PDE3B: variants seen among roughly 807,000 people sequenced by gnomAD.
The protein encoded by PDE3B is cGMP-inhibited 3',5'-cyclic phosphodiesterase 3B.
A neutral mutation model predicts 116.8 loss-of-function variants in PDE3B; 66 were observed. The observed-to-expected ratio is 0.56, with a 90% CI of 0.46 to 0.69. The LOEUF is 0.69. Among genes scored for constraint, PDE3B ranks in the 30% least tolerant of loss-of-function variants. PDE3B has a pLI of 0.00. For missense variants in PDE3B, 1,384 were observed against 1,368.1 expected (o/e 1.01, Z -0.18); for synonymous variants, 595 against 533.6 (o/e 1.12, Z -1.59).
At chr11:14,721,952 C>T in intron 1 of PDE3B, among the ~76,000 whole-genome samples, 1 of 147,652 alleles carries the variant, frequency 6.8e-6, no homozygotes, top group African/African-American at 2.5e-5. Context: ...GAAAATGTGG[C>T]ACATATACAC....
At chr11:14,861,084 T>C in intron 13 of PDE3B, 121 bp from the exon 14 acceptor site, 1 of 673,974 alleles carries the variant, frequency 1.5e-6, no homozygotes, top group Middle Eastern at 3.6e-4. Context: ...AACTATTTGC[T>C]GAAATTTCTT....
intron 4 of PDE3B, among the ~76,000 whole-genome samples, chr11:14,799,484 C>G (rs926972487): frequency 4.6e-5 from 7 of 152,078 alleles, no homozygotes; most frequent in African/African-American, 1.7e-4. Flanking sequence ...TCCTGAATAT[C>G]CTTGTTAATT....
intron 5 of PDE3B, among the ~76,000 whole-genome samples, chr11:14,810,015 A>T (rs1325925806): frequency 6.6e-6 from 1 of 152,162 alleles, no homozygotes; most frequent in African/African-American, 2.4e-5. Context: ...TCCATCTTAC[A>T]TATTATATAC....
intron 12 of PDE3B, among the ~76,000 whole-genome samples, chr11:14,851,509 G>GGTGTGTGT (rs35913217): frequency 6.7e-6 from 1 of 148,446 alleles, no homozygotes; most frequent in East Asian, 2.0e-4. Context: ...GGTATAATGG[G>GGTGTGTGT]GTGTGTGTGT....
In PDE3B at chr11:14,859,170, G is replaced by A. The variant is rs146384818; in HGVS notation, c.2648G>A (p.Arg883His). 7.4e-6 allele frequency: 12 copies of A among 1,613,474 alleles called. No individual in the cohort carries two copies. Among genetic ancestry groups the A allele is most frequent in the African/African-American group, 1.3e-5 (1 of 74,980 alleles). Reference protein sequence around the residue: ...HLDHVEFKRFRFLVIEAILAT... With the variant: ...HLDHVEFKRFHFLVIEAILAT... ...GATCATGTGGAATTCAAGCGCTTTC[G>A]TTTTTTAGTCATTGAAGCAATCCTT... Residue 883 changes from arginine to histidine, a missense_variant, in exon 13 of 16, where the codon CGT becomes CAT. Physicochemically the swap from Arg to His is conservative, Grantham distance 29. Around this residue, in one of 2 missense-constraint regions of PDE3B, gnomAD observed 428 missense variants for 561.4 expected, o/e 0.76. Transcript: ENST00000282096.
chr11:14,789,040 CACTAATATT>C, intron 3 of PDE3B, 57 bp from the exon 4 acceptor site: 1 of 1,089,060 alleles, frequency 9.2e-7, no homozygotes, highest in Non-Finnish European at 1.3e-6. Flanking sequence ...CATGTGCCAT[CACTAATATT>C]ACATATATAG....
chr11:14,861,320 T>C lies in PDE3B; in HGVS notation c.2840T>C (p.Leu947Ser). 1 of 1,613,844 alleles carries C rather than the reference T, an allele frequency of 6.2e-7. No homozygotes were observed. The highest frequency in any genetic ancestry group is 8.5e-7 in the Non-Finnish European group (1 of 1,179,824). ...AATGGCCCAGCAAAAGTTCGAGACT[T>C]GCATTTGAAATGGACAGAAGGCATT... ...DINGPAKVRD[L>S]HLKWTEGIVN... Residue 947 changes from leucine to serine, a missense_variant, in exon 14 of 16, where the codon TTG (leucine) becomes TCG (serine). Around this residue, in one of 2 missense-constraint regions of PDE3B, gnomAD observed 428 missense variants for 561.4 expected, o/e 0.76. Transcript: ENST00000282096.
chr11:14,648,488 ATTTAT>A (rs1853476067), intron 1 of PDE3B, among the ~76,000 whole-genome samples: 1 of 152,198 alleles, frequency 6.6e-6, no homozygotes, highest in East Asian at 1.9e-4. Flanking sequence ...TATTTGTGAA[ATTTAT>A]TTTATGGCTT....
chr11:14,674,115 C>G, intron 1 of PDE3B: 3 of 1,503,308 alleles, frequency 2.0e-6, no homozygotes, highest in Non-Finnish European at 2.8e-6. Context: ...TGAATGTTTC[C>G]TCATTTTCAA....
intron 5 of PDE3B, among the ~76,000 whole-genome samples, chr11:14,816,733 T>C (rs1399124810): frequency 6.6e-6 from 1 of 152,210 alleles, no homozygotes; most frequent in African/African-American, 2.4e-5. Context: ...GGAAATACTT[T>C]CATGTAATTT....
intron 1 of PDE3B, among the ~76,000 whole-genome samples, chr11:14,741,110 A>G (rs571547310): frequency 1.3e-5 from 2 of 152,138 alleles, no homozygotes; most frequent in African/African-American, 4.8e-5. Context: ...GTAGATGTGT[A>G]TTAGGTCTGC....
chr11:14,657,520 A>G (rs537042092), intron 1 of PDE3B, among the ~76,000 whole-genome samples: 1 of 152,324 alleles, frequency 6.6e-6, no homozygotes, highest in Admixed American at 6.5e-5. Context: ...AATATATGGG[A>G]AAATATTTTT....
chr11:14,754,542 T>C (rs1352223765), intron 1 of PDE3B, among the ~76,000 whole-genome samples: 4 of 152,224 alleles, frequency 2.6e-5, no homozygotes, highest in African/African-American at 9.6e-5. Context: ...TTTTGGAATG[T>C]GAGCATGCAT....
At chr11:14,880,779 AT>A in the PDE3B span, 25 of 1,599,260 alleles carry the variant, frequency 1.6e-5, no homozygotes, top group South Asian at 1.1e-4. Context: ...CTGAAAAAAA[AT>A]ATTAAAATAT....
chr11:14,816,133 T>C (rs1254368004), intron 5 of PDE3B, among the ~76,000 whole-genome samples: 1 of 152,226 alleles, frequency 6.6e-6, no homozygotes, highest in Non-Finnish European at 1.5e-5. Flanking sequence ...TTTTCCTCTT[T>C]ATGAGACCTC....
Position 14,786,475 on chromosome 11 carries a change from A to G in PDE3B, c.1068A>G (p.Leu356=). 6.2e-7 allele frequency: 1 copy of G among 1,612,468 alleles called. No homozygotes were observed. Among genetic ancestry groups the G allele is most frequent in the Non-Finnish European group, 8.5e-7 (1 of 1,178,724 alleles). The change falls in exon 3 of 16, where the codon CTA becomes CTG. Residue 356 remains leucine, a synonymous_variant. Coordinates refer to ENST00000282096, the MANE Select transcript of PDE3B (RefSeq NM_000922.4). ...GAAATGGAGTTGATCTTTCAGTGCT[A>G]AATGAGGCTCGCAATATGGTGTCAG... ...GGGNGVDLSV[L]NEARNMVSDL...
At chr11:14,663,373 A>T (rs922944577) in intron 1 of PDE3B, among the ~76,000 whole-genome samples, 2 of 152,212 alleles carry the variant, frequency 1.3e-5, no homozygotes, top group Admixed American at 1.3e-4. Context: ...TGTAAAGACC[A>T]TCAAGGCTAG....
At chr11:14,662,075 C>T (rs10832291) in intron 1 of PDE3B, among the ~76,000 whole-genome samples, 53,847 of 151,946 alleles carry the variant, frequency 0.35, 10,924 homozygotes, top group South Asian at 0.46. Flanking sequence ...GGCAGACTGA[C>T]ACTTCACACG....
At position 14,871,170 on chromosome 11, in the gene PDE3B, G is replaced by A. The variant is rs1355835424; in HGVS notation, c.*1510G>A. ...TCTAGAATATTTGGCTTATCTGAAA[G>A]ATATCAATTTAAGATCTCTGGAAGT... is the stretch of plus-strand genomic sequence containing the variant. On this transcript the variant is annotated 3_prime_UTR_variant, in exon 16 of 16. Transcript: ENST00000282096. 2.0e-5 allele frequency: 3 copies of A among 152,122 alleles called. No homozygotes were observed. Among genetic ancestry groups the A allele is most frequent in the Non-Finnish European group, 4.4e-5 (3 of 68,006 alleles). The allele number at this position is 152,122 out of a possible 1,614,324, so 9.4% of individuals were successfully genotyped here. A position where few individuals can be genotyped will look rare whatever the true frequency, so the allele number is the denominator to read the frequency against.
Sources: allele counts gnomAD v4.1 joint callset (sites outside exome capture counted in the v4.1 genomes callset), GRCh38; gene constraint gnomAD v4.1.1; regional missense constraint gnomAD v4.1.1; transcripts MANE v1.5; gene names NCBI Gene and HGNC (gene_info 2026-07-23, HGNC 2026-07-21).